Variants in UTP18 observed in about 807,000 individuals in gnomAD.
UTP18 encodes the protein UTP18 small subunit processome component, also known as U3 small nucleolar RNA-associated protein 18 homolog.
Under a neutral mutation model 61.1 loss-of-function variants are expected in UTP18, and 36 were observed. That is an observed-to-expected ratio of 0.59 (90% CI 0.45 to 0.78). The LOEUF (loss-of-function observed/expected upper bound fraction) is 0.78. Ranked by LOEUF, UTP18 falls within the 30% of genes least tolerant of loss-of-function variation. The probability of loss-of-function intolerance (pLI) is 0.00; values close to 1 mark genes in which losing one functional copy is unlikely to be tolerated. For missense variants in UTP18, 753 were observed against 693.9 expected (o/e 1.09, Z -0.96); for synonymous variants, 282 against 251.1 (o/e 1.12, Z -1.16).
chr17:51,283,471 TTTC>T (rs1487991832), intron 9 of UTP18, among the ~76,000 whole-genome samples: 1 of 152,066 alleles, frequency 6.6e-6, no homozygotes, highest in Non-Finnish European at 1.5e-5. Context: ...TGTGCACCCT[TTTC>T]TTATTCTGTA....
rs1285108440 is a variant in UTP18, at chr17:51,285,336, CA to C, written c.1297del (p.Thr433HisfsTer17). 1 of 1,613,854 alleles carries C rather than the reference CA, an allele frequency of 6.2e-7. No homozygotes were observed. On this transcript the variant is annotated frameshift_variant, in exon 10 of 14. Transcript: ENST00000225298. LOFTEE classifies it high-confidence loss of function. ...GCAGTTTATATGGATTAAGCATTGC[CA>C]CATCTAGGAATGGACAGTATGTTGC... The part of the protein sequence containing the change: ...EGSLYGLSIA[T>X]SRNGQYVACG...
chr17:51,279,550 A>G lies in UTP18; in HGVS notation c.1013-455A>G, dbSNP rs190334735. 1.1e-4 allele frequency among the ~76,000 whole-genome samples: 16 copies of G among 151,736 alleles called. No homozygotes were observed. The East Asian group carries it at 3.1e-3, about 29-fold the overall frequency. On this transcript the variant is annotated intron_variant, in intron 7 of 13. Transcript: ENST00000225298. Reference sequence around the variant, plus strand: ...AAAGTTAAAGATGAGATTCCTGTCCATCATGAGCTGCTTAGTAAGTGGCCA... The same window carrying G: ...AAAGTTAAAGATGAGATTCCTGTCCGTCATGAGCTGCTTAGTAAGTGGCCA...
At chr17:51,289,906 TTAATAAAGGGCAGAA>T (rs1198097734) in intron 11 of UTP18, among the ~76,000 whole-genome samples, 2 of 152,092 alleles carry the variant, frequency 1.3e-5, no homozygotes, top group East Asian at 3.8e-4. Flanking sequence ...AAGTAAACAG[TTAATAAAGGGCAGAA>T]TTGTGATTTA....
At chr17:51,284,676 CAGCTT>C (rs763391981) in intron 9 of UTP18, among the ~76,000 whole-genome samples, 18 of 152,190 alleles carry the variant, frequency 1.2e-4, no homozygotes, top group Non-Finnish European at 2.4e-4. Flanking sequence ...CTCAAACCAA[CAGCTT>C]GTGATTTTTT....
chr17:51,270,576 G>A (rs1048681857), intron 4 of UTP18, among the ~76,000 whole-genome samples: 1 of 152,212 alleles, frequency 6.6e-6, no homozygotes, highest in African/African-American at 2.4e-5. Context: ...TGGTAGGAAG[G>A]TGATGGTTTA....
intron 10 of UTP18, among the ~76,000 whole-genome samples, chr17:51,285,949 A>C (rs1367130629): frequency 6.6e-6 from 1 of 152,190 alleles, no homozygotes; most frequent in East Asian, 1.9e-4. Flanking sequence ...TTTCCTATTT[A>C]AAATACCTGT....
chr17:51,268,744 C>T (rs1904398187), intron 3 of UTP18, 93 bp from the exon 4 acceptor site: 1 of 1,006,384 alleles, frequency 9.9e-7, no homozygotes, highest in Non-Finnish European at 1.5e-6. Context: ...TACGTATTCT[C>T]AAGGGTGATT....
intron 5 of UTP18, among the ~76,000 whole-genome samples, chr17:51,274,263 C>G (rs1037343004): frequency 2.0e-5 from 3 of 152,196 alleles, no homozygotes; most frequent in African/African-American, 7.2e-5. Flanking sequence ...AAGACTTTCT[C>G]TAAAGTGGTC....
intron 3 of UTP18, among the ~76,000 whole-genome samples, chr17:51,268,006 TG>T (rs1188438192): frequency 7.7e-5 from 11 of 143,682 alleles, no homozygotes; most frequent in South Asian, 2.1e-4. Flanking sequence ...TTTTGTTTTT[TG>T]TTTTTTGTTT....
At chr17:51,270,402 CATA>C (rs1598476476) in intron 4 of UTP18, among the ~76,000 whole-genome samples, 1 of 152,152 alleles carries the variant, frequency 6.6e-6, no homozygotes, top group East Asian at 1.9e-4. Flanking sequence ...CTGGATGAAA[CATA>C]ATTTTATTAT....
At position 51,263,439 on chromosome 17, in the gene UTP18, T is replaced by G; in HGVS notation, c.455+53T>G. On this transcript the variant is annotated intron_variant, in intron 2 of 13. Coordinates refer to ENST00000225298, the MANE Select transcript of UTP18 (RefSeq NM_016001.3). ...CCCTCTGTACACTTAAAAAAGTTAT[T>G]TTGCAGATTTTAAAATCATTCTTTT... 3.9e-6 allele frequency: 5 copies of G among 1,294,182 alleles called. No homozygotes were observed. The South Asian group carries it at 6.6e-5, about 17-fold the overall frequency. The allele number at this position is 1,294,182 out of a possible 1,614,324, so 80.2% of individuals were successfully genotyped here.
chr17:51,297,022 T>G lies in UTP18; in HGVS notation c.*14+19T>G, dbSNP rs752348704. The G allele has an allele frequency of 1.9e-6, 3 of 1,600,224 alleles. No individual in the cohort carries two copies. The highest frequency in any genetic ancestry group is 2.6e-6 in the Non-Finnish European group (3 of 1,173,580). ...ATTTGAAGTAAGAAAACCCTTTTCTTACAAATTCTGCAGGTTTTAAGATAC... is the reference window on the plus strand; with the variant it reads ...ATTTGAAGTAAGAAAACCCTTTTCTGACAAATTCTGCAGGTTTTAAGATAC... On this transcript the variant is annotated intron_variant, in intron 13 of 13. Transcript: ENST00000225298.
chr17:51,265,917 G>A (rs893489433), intron 2 of UTP18, among the ~76,000 whole-genome samples: 3 of 152,138 alleles, frequency 2.0e-5, no homozygotes, highest in African/African-American at 7.2e-5. Flanking sequence ...TTATTTTGGA[G>A]AATTTCATAA....
rs1171138059 is a variant in UTP18, at chr17:51,271,173, A to C, written c.623-2189A>C. 2.0e-5 allele frequency among the ~76,000 whole-genome samples: 3 copies of C among 152,176 alleles called. No homozygotes were observed. The East Asian group carries it at 5.8e-4, about 29-fold the overall frequency. On this transcript the variant is annotated intron_variant, in intron 4 of 13. Coordinates refer to ENST00000225298, the MANE Select transcript of UTP18 (RefSeq NM_016001.3). ...TTGCTTTGTATTTTGCTTAGACTTCATAGTACTTTTGAACTGGCTTGATGT... is the reference window on the plus strand; with the variant it reads ...TTGCTTTGTATTTTGCTTAGACTTCCTAGTACTTTTGAACTGGCTTGATGT...
chr17:51,284,141 C>T (rs976515004), intron 9 of UTP18, among the ~76,000 whole-genome samples: 1 of 152,198 alleles, frequency 6.6e-6, no homozygotes, highest in Non-Finnish European at 1.5e-5. Flanking sequence ...TACTGCTTAA[C>T]CTGCACGCTT....
chr17:51,265,655 CTGGGTTCAAG>C (rs2055553718), intron 2 of UTP18, among the ~76,000 whole-genome samples: 1 of 148,546 alleles, frequency 6.7e-6, no homozygotes, highest in Non-Finnish European at 1.5e-5. Flanking sequence ...CCTCTGCCTC[CTGGGTTCAAG>C]TGGTTCTTCT....
At chr17:51,260,966 C>G in intron 1 of UTP18, 40 bp downstream of exon 1, 7 of 1,428,516 alleles carry the variant, frequency 4.9e-6, no homozygotes, top group Non-Finnish European at 6.4e-6. Flanking sequence ...CGCACTCGGG[C>G]GGGGCGCGCG....
chr17:51,270,086 C>G (rs554249064), intron 4 of UTP18, among the ~76,000 whole-genome samples: 3 of 152,130 alleles, frequency 2.0e-5, no homozygotes, highest in South Asian at 4.1e-4. Context: ...GAACTCTTGG[C>G]CTTCCAAAGT....
intron 6 of UTP18, among the ~76,000 whole-genome samples, chr17:51,276,571 C>G (rs567350915): frequency 6.6e-6 from 1 of 152,252 alleles, no homozygotes; most frequent in Admixed American, 6.5e-5. Context: ...CACTGATGTA[C>G]ATTGATGGTT....
Sources: allele counts gnomAD v4.1 joint callset (sites outside exome capture counted in the v4.1 genomes callset), GRCh38; gene constraint gnomAD v4.1.1; transcripts MANE v1.5; gene names NCBI Gene and HGNC (gene_info 2026-07-23, HGNC 2026-07-21).